FHOD3: variants seen among roughly 807,000 people sequenced by gnomAD.
FHOD3 encodes formin homology 2 domain containing 3, also known as FH1/FH2 domain-containing protein 3.
FHOD3 carries 90 observed loss-of-function variants against 173.0 expected under a neutral mutation model. That is an observed-to-expected ratio of 0.52 (90% CI 0.44 to 0.62). The LOEUF (loss-of-function observed/expected upper bound fraction) is 0.62. Among genes scored for constraint, FHOD3 ranks in the 20% least tolerant of loss-of-function variants. The pLI is 0.00. For missense variants in FHOD3, 1,945 were observed against 2,034.7 expected, an observed-to-expected ratio of 0.96 and a Z score of 0.85; for synonymous variants, 828 against 823.0, an observed-to-expected ratio of 1.01 and a Z score of -0.10.
intron 18 of FHOD3, chr18:36,710,195 T>G (rs1335909320): frequency 6.6e-6 from 1 of 152,192 alleles, no homozygotes; most frequent in East Asian, 1.9e-4. Context: ...CGTGAATAAT[T>G]CATATGATCT....
chr18:36,539,172 C>T (rs1256088470), intron 5 of FHOD3, among the ~76,000 whole-genome samples: 6 of 152,178 alleles, frequency 3.9e-5, no homozygotes, highest in African/African-American at 1.2e-4. Flanking sequence ...TTATGTTCAA[C>T]GAAGTGATAT....
intron 14 of FHOD3, 86 bp from the exon 15 acceptor site, chr18:36,681,350 A>C: frequency 9.8e-6 from 15 of 1,535,796 alleles, no homozygotes; most frequent in Admixed American, 1.8e-5. Context: ...CAGACCCTCA[A>C]TTCTAACCAA....
chr18:36,588,855 C>T (rs2059123108), intron 6 of FHOD3, among the ~76,000 whole-genome samples: 1 of 152,100 alleles, frequency 6.6e-6, no homozygotes, highest in Admixed American at 6.5e-5. Context: ...GTGGGTTGAC[C>T]TAGAAAATAA....
At chr18:36,445,110 T>C (rs2051392616) in intron 3 of FHOD3, among the ~76,000 whole-genome samples, 1 of 152,210 alleles carries the variant, frequency 6.6e-6, no homozygotes, top group Admixed American at 6.5e-5. Flanking sequence ...TTAGTGGTTG[T>C]AGAGATGGGC....
At chr18:36,471,891 T>G (rs1386360398) in intron 3 of FHOD3, among the ~76,000 whole-genome samples, 1 of 152,202 alleles carries the variant, frequency 6.6e-6, no homozygotes, top group African/African-American at 2.4e-5. Context: ...AGTAATGATT[T>G]TCATAGTGTT....
intron 14 of FHOD3, among the ~76,000 whole-genome samples, chr18:36,678,821 G>A (rs973297200): frequency 1.8e-4 from 28 of 152,270 alleles, no homozygotes; most frequent in Admixed American, 1.8e-3. Flanking sequence ...CAAACCCAAT[G>A]TGATTTTGTT....
intron 3 of FHOD3, among the ~76,000 whole-genome samples, chr18:36,491,540 C>T (rs577700370): frequency 6.6e-6 from 1 of 152,220 alleles, no homozygotes; most frequent in African/African-American, 2.4e-5. Context: ...TTTCACTGCC[C>T]GAACAATCCC....
chr18:36,305,616 C>G (rs1378750775), intron 1 of FHOD3, among the ~76,000 whole-genome samples: 1 of 152,110 alleles, frequency 6.6e-6, no homozygotes. Context: ...AGAAGATAAC[C>G]AAGGCATCTT....
At chr18:36,740,074 CT>C (rs2041831277) in intron 20 of FHOD3, among the ~76,000 whole-genome samples, 1 of 152,130 alleles carries the variant, frequency 6.6e-6, no homozygotes, top group South Asian at 2.1e-4. Flanking sequence ...ATTCTGGTGC[CT>C]TTTTGCCTTC....
At chr18:36,601,896 C>T (rs2031435317) in intron 7 of FHOD3, among the ~76,000 whole-genome samples, 1 of 152,186 alleles carries the variant, frequency 6.6e-6, no homozygotes, top group Non-Finnish European at 1.5e-5. Flanking sequence ...GGAGTATCTC[C>T]TGTCCCTCCT....
rs754200767 is a variant in FHOD3, at chr18:36,709,205, G to A, written c.2347G>A (p.Ala783Thr). 15 of 1,614,108 alleles carry A rather than the reference G, an allele frequency of 9.3e-6. No homozygotes were observed. The highest frequency in any genetic ancestry group is 8.5e-6 in the Non-Finnish European group (10 of 1,180,058). Residue 783 changes from alanine (A) to threonine (T), a missense_variant, in exon 18 of 29, where the codon GCA (alanine) becomes ACA (threonine). By Grantham distance (58) the Ala-to-Thr change is moderately conservative. This residue lies in a region of FHOD3 where 1,099 missense variants were observed against 1,051.2 expected (regional missense o/e 1.05). Coordinates refer to ENST00000590592, the MANE Select transcript of FHOD3 (RefSeq NM_001281740.3). ...GGACATAGCCTCTGCCCACGAGGGT[G>A]CAGAGACTGAAGTGGAGCAGGCACT... ...GQDIASAHEGAETEVEQALEQ... is the reference protein window; with the variant it reads ...GQDIASAHEGTETEVEQALEQ...
At chr18:36,403,491 A>G (rs2048919979) in intron 3 of FHOD3, among the ~76,000 whole-genome samples, 1 of 152,190 alleles carries the variant, frequency 6.6e-6, no homozygotes, top group African/African-American at 2.4e-5. Flanking sequence ...TGCCGGGGTT[A>G]CTTGACCCAT....
intron 3 of FHOD3, among the ~76,000 whole-genome samples, chr18:36,377,772 G>T (rs531894578): frequency 6.6e-6 from 1 of 152,286 alleles, no homozygotes; most frequent in East Asian, 1.9e-4. Flanking sequence ...AAAGGGAGCT[G>T]GCTGCTCCCT....
chr18:36,392,700 T>C (rs1001554652), intron 3 of FHOD3, among the ~76,000 whole-genome samples: 6 of 152,260 alleles, frequency 3.9e-5, no homozygotes, highest in Admixed American at 3.9e-4. Flanking sequence ...CGTCTGATCT[T>C]GTCTGTGTTT....
rs2047241435 is a variant in FHOD3, at chr18:36,372,540, A to G, written c.273-140A>G. 1.6e-5 allele frequency: 9 copies of G among 580,238 alleles called. No individual in the cohort carries two copies. In the South Asian group the frequency reaches 2.3e-4, roughly 15 times the overall value. The allele number at this position is 580,238 out of a possible 1,614,324, so 35.9% of individuals were successfully genotyped here. On this transcript the variant is annotated intron_variant, in intron 2 of 28. Transcript: ENST00000590592. ...TGTGATGTCAACATTATTTCAGGATAGATTCTTATTCAGTGTGGGTCTCTG... is the reference window on the plus strand; with the variant it reads ...TGTGATGTCAACATTATTTCAGGATGGATTCTTATTCAGTGTGGGTCTCTG...
intron 3 of FHOD3, among the ~76,000 whole-genome samples, chr18:36,453,094 C>G (rs1314176477): frequency 1.3e-5 from 2 of 151,908 alleles, no homozygotes; most frequent in Admixed American, 6.6e-5. Context: ...CTCAAAAAAT[C>G]AAAAATACAG....
chr18:36,490,199 C>A (rs959359375), intron 3 of FHOD3, among the ~76,000 whole-genome samples: 1 of 152,130 alleles, frequency 6.6e-6, no homozygotes, highest in Non-Finnish European at 1.5e-5. Context: ...GGGAAAATGG[C>A]AGGTTTGAAA....
chr18:36,428,363 G>T (rs1172834666), intron 3 of FHOD3, among the ~76,000 whole-genome samples: 1 of 152,178 alleles, frequency 6.6e-6, no homozygotes, highest in African/African-American at 2.4e-5. Flanking sequence ...TTACTTTGTT[G>T]TTTTGTTTTG....
At chr18:36,614,337 A>T (rs1289382210) in intron 9 of FHOD3, among the ~76,000 whole-genome samples, 5 of 152,212 alleles carry the variant, frequency 3.3e-5, no homozygotes, top group Admixed American at 6.5e-5. Context: ...TACTTTGTTC[A>T]TAGTTGTGCT....
Sources: gnomAD v4.1 joint callset for allele counts (sites outside exome capture counted in the v4.1 genomes callset) on GRCh38, gnomAD v4.1.1 for gene constraint, gnomAD v4.1.1 regional missense constraint, MANE v1.5 for transcripts, NCBI Gene and HGNC (gene_info 2026-07-23, HGNC 2026-07-21) for gene names.